Variants in SKIDA1 observed in about 807,000 individuals in gnomAD.
SKIDA1 encodes the protein SKI/DACH domain containing 1.
SKIDA1 carries 18 observed loss-of-function variants against 51.4 expected under a neutral mutation model. The ratio of observed to expected loss-of-function variants is 0.35; its 90% CI spans 0.24 to 0.52. The LOEUF is 0.52. SKIDA1 is among the 20% of genes least tolerant of loss of function. SKIDA1 has a pLI of 0.95. For missense variants in SKIDA1, 1,104 were observed against 1,180.6 expected (o/e 0.94, Z 0.95); for synonymous variants, 579 against 500.5 (o/e 1.16, Z -2.09).
At chr10:21,525,265 C>T (rs558403742) in intron 1 of SKIDA1, among the ~76,000 whole-genome samples, 1 of 152,280 alleles carries the variant, frequency 6.6e-6, no homozygotes, top group East Asian at 1.9e-4. Context: ...TCAAGTATCA[C>T]GTTACTGTTT....
At chr10:21,522,359 C>G (rs1332649979) in intron 2 of SKIDA1, among the ~76,000 whole-genome samples, 1 of 131,714 alleles carries the variant, frequency 7.6e-6, no homozygotes, top group Admixed American at 9.6e-5. Flanking sequence ...AAAGTGAATT[C>G]AGACAGAAAA....
intron 2 of SKIDA1, 46 bp from the exon 3 acceptor site, chr10:21,521,526 A>AT (rs1290460808): frequency 3.3e-5 from 5 of 152,560 alleles, no homozygotes; most frequent in African/African-American, 1.2e-4. Flanking sequence ...CTGTATTCAA[A>AT]TTTTTTTAAG....
rs1304423690 is a variant in SKIDA1, at chr10:21,518,216, A to G, written c.-394T>C. The G allele has an allele frequency of 1.1e-5, 2 of 176,926 alleles. No individual in the cohort carries two copies. Among genetic ancestry groups the G allele is most frequent in the African/African-American group, 2.4e-5 (1 of 41,918 alleles). The allele number at this position is 176,926 out of a possible 1,614,324, so 11.0% of individuals were successfully genotyped here. On this transcript the variant is annotated 5_prime_UTR_variant, in exon 4 of 4. Coordinates refer to ENST00000449193, the MANE Select transcript of SKIDA1 (RefSeq NM_207371.4). ...ATGGAATGTGAAGGGAGAAAGAGAA[A>G]AGAAATGCAGCTGCTATTCCCGCCG...
intron 2 of SKIDA1, among the ~76,000 whole-genome samples, chr10:21,523,210 G>T (rs558858434): frequency 6.6e-6 from 1 of 152,124 alleles, no homozygotes; most frequent in African/African-American, 2.4e-5. Context: ...GGAATGGGGT[G>T]GGGGGAAGGG....
chr10:21,517,683 TTGTG>T lies in SKIDA1; in HGVS notation c.136_139del (p.His46SerfsTer6). On this transcript the variant is annotated frameshift_variant, in exon 4 of 4. Coordinates refer to ENST00000449193, the MANE Select transcript of SKIDA1 (RefSeq NM_207371.4). LOFTEE classifies it high-confidence loss of function. This position sits in a 1 kb window ranked among gnomAD's most constrained non-coding sequence, Gnocchi z 6.9. The stretch of plus-strand genomic sequence containing the variant: ...CTTCACTTTCAGATGATCCATGCGC[TTGTG>T]CACGGTCGTCCTCGGGATGTTTTTC... 1 of 1,614,010 alleles carries T rather than the reference TTGTG, an allele frequency of 6.2e-7. No individual in the cohort carries two copies. The highest frequency in any genetic ancestry group is 8.5e-7 in the Non-Finnish European group (1 of 1,179,898).
chr10:21,525,066 G>A (rs901694409), intron 1 of SKIDA1, among the ~76,000 whole-genome samples: 3 of 152,158 alleles, frequency 2.0e-5, no homozygotes, highest in Non-Finnish European at 4.4e-5. Context: ...AATGCACGGA[G>A]GCAAAGCCCA....
At position 21,517,887 on chromosome 10, in the gene SKIDA1, A is replaced by G; in HGVS notation, c.-65T>C. ...ATACGTGACGCATACATACACATGT[A>G]TGTATGTTAATCCTCAGCCAGATGC... On this transcript the variant is annotated 5_prime_UTR_variant, in exon 4 of 4. Coordinates refer to ENST00000449193, the MANE Select transcript of SKIDA1 (RefSeq NM_207371.4). The surrounding 1 kb of genome is among the most constrained non-coding windows in gnomAD (Gnocchi z 6.9). 7.2e-7 allele frequency: 1 copy of G among 1,398,206 alleles called. No homozygotes were observed. The highest frequency in any genetic ancestry group is 9.7e-7 in the Non-Finnish European group (1 of 1,034,470). 86.6% of individuals were successfully genotyped at this position (1,398,206 alleles called of 1,614,324 possible).
rs2032164669 is a variant in SKIDA1, at chr10:21,515,314, C to T, written c.2509G>A (p.Ala837Thr). The T allele has an allele frequency of 6.2e-7, 1 of 1,614,004 alleles. No individual in the cohort carries two copies. Among genetic ancestry groups the T allele is most frequent in the East Asian group, 2.2e-5 (1 of 44,886 alleles). ...TGAAATGGCCTTTTCACTGCTGATG[C>T]TACATTGCTGGCTACCTTTTTGCGT... ...NRRKKVASNV[A>T]SAVKRPFHFM... Residue 837 changes from alanine (A) to threonine (T), a missense_variant, in exon 4 of 4, where the codon GCA (alanine) becomes ACA (threonine). By Grantham distance (58) the Ala-to-Thr change is moderately conservative. Transcript: ENST00000449193.
At chr10:21,523,258 A>C (rs575897808) in intron 2 of SKIDA1, among the ~76,000 whole-genome samples, 5 of 152,302 alleles carry the variant, frequency 3.3e-5, no homozygotes, top group Admixed American at 3.3e-4. Flanking sequence ...CTTGATCTGA[A>C]TCTGTGGGCA....
Position 21,516,809 on chromosome 10 carries a change from G to GTGGTGT in SKIDA1, c.1013_1014insACACCA (p.His337_His338insGlnHis). ...GGTGGTGATGGTGGTGGTGGTGGTG[G>GTGGTGT]TGGTGCGGAGGCGGGCAGAAGCCGT... On this transcript the variant is annotated inframe_insertion, in exon 4 of 4. Coordinates refer to ENST00000449193, the MANE Select transcript of SKIDA1 (RefSeq NM_207371.4). The surrounding 1 kb of genome is among the most constrained non-coding windows in gnomAD (Gnocchi z 5.7). The GTGGTGT allele has an allele frequency of 1.3e-6, 2 of 1,542,404 alleles. No individual in the cohort carries two copies. Among genetic ancestry groups the GTGGTGT allele is most frequent in the South Asian group, 2.4e-5 (2 of 83,812 alleles).
rs1421626509 is a variant in SKIDA1 at position 21,516,647 on chromosome 10, C to T, written c.1176G>A (p.Ala392=). The T allele has an allele frequency of 3.9e-6, 6 of 1,551,588 alleles. No individual in the cohort carries two copies. The highest frequency in any genetic ancestry group is 5.2e-6 in the Non-Finnish European group (6 of 1,147,020). Residue 392 remains alanine, a synonymous_variant, in exon 4 of 4, where the codon GCG becomes GCA. Transcript: ENST00000449193. The surrounding 1 kb of genome is among the most constrained non-coding windows in gnomAD (Gnocchi z 5.7). ...DSESSSYSDH[A]ANDSDFGSSL... is the part of the protein sequence containing the mutation. ...TGGAGCCAAAATCCGAGTCGTTGGC[C>T]GCGTGGTCCGAGTAGGAGCTGGACT...
In SKIDA1 at chr10:21,517,916, G is replaced by A. The variant is rs2032291079; in HGVS notation, c.-94C>T. The A allele has an allele frequency of 2.5e-6, 3 of 1,187,480 alleles. No individual in the cohort carries two copies. The highest frequency in any genetic ancestry group is 1.9e-5 in the South Asian group (1 of 53,368). The allele number at this position is 1,187,480 out of a possible 1,614,324, so 73.6% of individuals were successfully genotyped here. A position where few individuals can be genotyped will look rare whatever the true frequency, so the allele number is the denominator to read the frequency against. On this transcript the variant is annotated 5_prime_UTR_variant, in exon 4 of 4. The change creates a new upstream start codon in the 5' untranslated region. Coordinates refer to ENST00000449193, the MANE Select transcript of SKIDA1 (RefSeq NM_207371.4). This position sits in a 1 kb window ranked among gnomAD's most constrained non-coding sequence, Gnocchi z 6.9. ...ATGTTAATCCTCAGCCAGATGCTGC[G>A]TGTGTCTCAAGGCATCCTGCTAATA...
In SKIDA1 at chr10:21,523,687, G is replaced by C. The variant is rs1230712308; in HGVS notation, c.-1933C>G. On this transcript the variant is annotated 5_prime_UTR_variant, in exon 2 of 4. Coordinates refer to ENST00000449193, the MANE Select transcript of SKIDA1 (RefSeq NM_207371.4). Reference sequence around the variant, plus strand: ...ACACCAAGTGTTGAGGCCTACCTATGGGCTGCTCAGCCATACTGAAATCCT... The same window carrying C: ...ACACCAAGTGTTGAGGCCTACCTATCGGCTGCTCAGCCATACTGAAATCCT... The C allele has an allele frequency of 8.5e-5, 13 of 152,122 alleles. No individual in the cohort carries two copies. The highest frequency in any genetic ancestry group is 8.5e-4 in the Admixed American group (13 of 15,260). The allele number at this position is 152,122 out of a possible 1,614,324, so 9.4% of individuals were successfully genotyped here. A position where few individuals can be genotyped will look rare whatever the true frequency, so the allele number is the denominator to read the frequency against.
At position 21,515,797 on chromosome 10, in the gene SKIDA1, C is replaced by T. The variant is rs1210709328; in HGVS notation, c.2026G>A (p.Asp676Asn). The change falls in exon 4 of 4, where the codon GAC becomes AAC. Residue 676 changes from aspartate (D) to asparagine (N), a missense_variant. Coordinates refer to ENST00000449193, the MANE Select transcript of SKIDA1 (RefSeq NM_207371.4). ...TTGTGCAGAAATGGCAATGTCTTGT[C>T]GCCTGTGTCAGTGCAGGGATTCTCG... The part of the protein sequence containing the change: ...KAENPCTDTG[D>N]KTLPFLHNIK... 1.2e-6 allele frequency: 2 copies of T among 1,613,948 alleles called. No homozygotes were observed. Among genetic ancestry groups the T allele is most frequent in the Non-Finnish European group, 1.7e-6 (2 of 1,179,864 alleles).
Position 21,515,910 on chromosome 10 carries a change from A to G in SKIDA1, c.1913T>C (p.Ile638Thr), listed in dbSNP as rs1188168244. Residue 638 changes from isoleucine to threonine, a missense_variant, in exon 4 of 4, where the codon ATC (isoleucine) becomes ACC (threonine). Coordinates refer to ENST00000449193, the MANE Select transcript of SKIDA1 (RefSeq NM_207371.4). ...AEANSEKYSK[I>T]LHCPEFATDL... ...CGTAGCAAATTCAGGACAATGAAGG[A>G]TTTTGGAATATTTTTCTGAATTTGC... 1.2e-6 allele frequency: 2 copies of G among 1,614,012 alleles called. No homozygotes were observed. Among genetic ancestry groups the G allele is most frequent in the Admixed American group, 1.7e-5 (1 of 60,030 alleles).
intron 3 of SKIDA1, among the ~76,000 whole-genome samples, chr10:21,520,452 C>T (rs1192631109): frequency 4.8e-5 from 7 of 145,922 alleles, no homozygotes; most frequent in East Asian, 2.1e-4. Flanking sequence ...TTATATAGTA[C>T]TGCCAGCCCT....
rs771067964 is a variant in SKIDA1, at chr10:21,516,537, C to CCCTCCTCCTCCTCTTCCT, written c.1268_1285dup (p.Glu423_Glu428dup). 2 of 1,489,368 alleles carry CCCTCCTCCTCCTCTTCCT rather than the reference C, an allele frequency of 1.3e-6. No individual in the cohort carries two copies. The highest frequency in any genetic ancestry group is 1.2e-5 in the South Asian group (1 of 82,654). 92.3% of individuals were successfully genotyped at this position (1,489,368 alleles called of 1,614,324 possible). A position where few individuals can be genotyped will look rare whatever the true frequency, so the allele number is the denominator to read the frequency against. ...ACTGGAATCCGAGGCCCCGCTGCCC[C>CCCTCCTCCTCCTCTTCCT]CCTCCTCCTCCTCTTCCTCCTCCTC... On this transcript the variant is annotated inframe_insertion, in exon 4 of 4. Coordinates refer to ENST00000449193, the MANE Select transcript of SKIDA1 (RefSeq NM_207371.4). The surrounding 1 kb of genome is among the most constrained non-coding windows in gnomAD (Gnocchi z 5.7).
chr10:21,516,307 G>A lies in SKIDA1; in HGVS notation c.1516C>T (p.Pro506Ser), dbSNP rs1186380474. ...PAAFEDAGRL[P>S]DLKSSVKAES... ...GCTTTGACACTACTCTTGAGGTCGG[G>A]AAGTCTGCCGGCATCCTCGAAAGCA... Residue 506 changes from proline to serine, a missense_variant, in exon 4 of 4, where the codon CCC becomes TCC. Pro to Ser is a moderately conservative substitution (Grantham distance 74). This residue lies in a region of SKIDA1 where 938 missense variants were observed against 886.4 expected (regional missense o/e 1.06). Coordinates refer to ENST00000449193, the MANE Select transcript of SKIDA1 (RefSeq NM_207371.4). This position sits in a 1 kb window ranked among gnomAD's most constrained non-coding sequence, Gnocchi z 5.7. The A allele has an allele frequency of 2.5e-6, 4 of 1,613,668 alleles. No homozygotes were observed. Among genetic ancestry groups the A allele is most frequent in the African/African-American group, 1.3e-5 (1 of 74,944 alleles).
At position 21,515,660 on chromosome 10, in the gene SKIDA1, C is replaced by A; in HGVS notation, c.2163G>T (p.Val721=). The stretch of plus-strand genomic sequence containing the variant: ...AGGCGTCCTCCTCTTTACTCTCAGT[C>A]ACACTGTAAAACTCACCCTTTGTAT... ...CNDTKGEFYS[V]TESKEEDALL... The change falls in exon 4 of 4, where the codon GTG becomes GTT. Residue 721 remains valine (V), a synonymous_variant. Transcript: ENST00000449193. 1 of 1,614,056 alleles carries A rather than the reference C, an allele frequency of 6.2e-7. No homozygotes were observed. The highest frequency in any genetic ancestry group is 1.1e-5 in the South Asian group (1 of 91,068).
Sources: allele counts gnomAD v4.1 joint callset (sites outside exome capture counted in the v4.1 genomes callset), GRCh38; gene constraint gnomAD v4.1.1; regional missense constraint gnomAD v4.1.1; non-coding constraint Gnocchi (gnomAD v3.1); transcripts MANE v1.5; gene names NCBI Gene and HGNC (gene_info 2026-07-23, HGNC 2026-07-21).